The following RAPGEF2 variants were observed in gnomAD, a reference collection of about 807,000 sequenced individuals.
The protein encoded by RAPGEF2 is PDZ domain containing guanine nucleotide exchange factor (GEF) 1.
Under a neutral mutation model 186.7 loss-of-function variants are expected in RAPGEF2, and 54 were observed. That is an observed-to-expected ratio of 0.29 (90% CI 0.23 to 0.36). The LOEUF is 0.36. RAPGEF2 is among the 10% of genes least tolerant of loss of function. The pLI, the probability that RAPGEF2 is intolerant of heterozygous loss-of-function variation, is 1.00. For synonymous variants in RAPGEF2, 712 were observed against 705.9 expected (o/e 1.01, Z -0.14); for missense variants, 1,532 against 2,045.0 (o/e 0.75, Z 4.84).
intron 9 of RAPGEF2, among the ~76,000 whole-genome samples, chr4:159,321,141 C>G (rs1765185013): frequency 6.6e-6 from 1 of 151,714 alleles, no homozygotes; most frequent in Non-Finnish European, 1.5e-5. Context: ...GTGCTCTTTA[C>G]CACTCCCTTT....
Position 159,114,121 on chromosome 4 carries a change from T to G in RAPGEF2, c.69+9890T>G, listed in dbSNP as rs961608505. On this transcript the variant is annotated intron_variant, in intron 1 of 29. Coordinates refer to ENST00000691494, the MANE Select transcript of RAPGEF2 (RefSeq NM_001394067.2). ...GCATGCACCATCATACCTGGCTAATTTTTTTTTTTTTTTTTTCTTTGAGAT... is the reference window on the plus strand; with the variant it reads ...GCATGCACCATCATACCTGGCTAATGTTTTTTTTTTTTTTTTCTTTGAGAT... 1.9e-4 allele frequency among the ~76,000 whole-genome samples: 27 copies of G among 139,830 alleles called. No homozygotes were observed. In the South Asian group the frequency reaches 2.0e-3, roughly 10 times the overall value. 91.7% of individuals were successfully genotyped at this position (139,830 alleles called of 152,430 possible).
intron 1 of RAPGEF2, among the ~76,000 whole-genome samples, chr4:159,159,107 C>T (rs1034245060): frequency 6.6e-6 from 1 of 152,204 alleles, no homozygotes; most frequent in Non-Finnish European, 1.5e-5. Flanking sequence ...GTTAGGATTT[C>T]GACTGGGTCT....
chr4:159,343,565 A>G (rs79864624), intron 22 of RAPGEF2, among the ~76,000 whole-genome samples, 161 bp downstream of exon 22: 5,765 of 152,300 alleles, frequency 0.038, 359 homozygotes, highest in African/African-American at 0.13. Context: ...AATTTGGAAT[A>G]AATGTCTTAT....
At chr4:159,261,516 C>T (rs145030684) in intron 7 of RAPGEF2, among the ~76,000 whole-genome samples, 196 of 152,304 alleles carry the variant, frequency 1.3e-3, no homozygotes, top group African/African-American at 4.5e-3. Context: ...CTTAAAGCAA[C>T]ACAAGTGAAT....
chr4:159,139,242 A>C (rs919574331), intron 1 of RAPGEF2, among the ~76,000 whole-genome samples: 7 of 152,224 alleles, frequency 4.6e-5, no homozygotes, highest in African/African-American at 1.7e-4. Context: ...TGAAGAATTC[A>C]TACAATAGCA....
At chr4:159,154,411 T>G (rs1743891521) in intron 1 of RAPGEF2, among the ~76,000 whole-genome samples, 3 of 152,130 alleles carry the variant, frequency 2.0e-5, no homozygotes, top group Non-Finnish European at 4.4e-5. Flanking sequence ...TCATAAAGTC[T>G]TTGTGTACTA....
intron 7 of RAPGEF2, among the ~76,000 whole-genome samples, chr4:159,301,099 G>A (rs985523299): frequency 1.3e-5 from 2 of 152,208 alleles, no homozygotes; most frequent in African/African-American, 4.8e-5. Flanking sequence ...AATGCCAGAT[G>A]TGGTGGCTCA....
intron 1 of RAPGEF2, among the ~76,000 whole-genome samples, chr4:159,104,504 GA>G (rs1737580363): frequency 8.0e-6 from 1 of 125,648 alleles, no homozygotes; most frequent in Admixed American, 8.0e-5. Flanking sequence ...GAGAGAGAGA[GA>G]GAGAGAGAGA....
rs1268879990 is a variant in RAPGEF2 at position 159,339,227 on chromosome 4, G to A, written c.2407G>A (p.Ala803Thr). 18 of 1,614,106 alleles carry A rather than the reference G, an allele frequency of 1.1e-5. No individual in the cohort carries two copies. Among genetic ancestry groups the A allele is most frequent in the Non-Finnish European group, 1.4e-5 (17 of 1,180,000 alleles). Reference sequence around the variant, plus strand: ...GGTCATTCAGGCTATCAGGGAGTTTGCTGTTACTGCCACCCCGGATCAATA... The same window carrying A: ...GGTCATTCAGGCTATCAGGGAGTTTACTGTTACTGCCACCCCGGATCAATA... ...EVVIQAIREF[A>T]VTATPDQYSL... Residue 803 changes from alanine (A) to threonine (T), a missense_variant, in exon 19 of 30, where the codon GCT (alanine) becomes ACT (threonine). Physicochemically the swap from Ala to Thr is moderately conservative, Grantham distance 58 (BLOSUM62 0). This residue lies in a region of RAPGEF2 where 810 missense variants were observed against 1,210.5 expected (regional missense o/e 0.67). Coordinates refer to ENST00000691494, the MANE Select transcript of RAPGEF2 (RefSeq NM_001394067.2).
chr4:159,197,200 C>A (rs1475617151), intron 3 of RAPGEF2, among the ~76,000 whole-genome samples: 2 of 152,190 alleles, frequency 1.3e-5, no homozygotes, highest in Non-Finnish European at 2.9e-5. Context: ...AAAGTTGCAG[C>A]ATACTGCCAA....
chr4:159,130,735 G>A (rs1414484122), intron 1 of RAPGEF2, among the ~76,000 whole-genome samples: 1 of 152,092 alleles, frequency 6.6e-6, no homozygotes, highest in Non-Finnish European at 1.5e-5. Flanking sequence ...TTTTGGGACA[G>A]GATGTTGCTC....
chr4:159,115,946 T>C (rs1314767649), intron 1 of RAPGEF2, among the ~76,000 whole-genome samples: 1 of 152,106 alleles, frequency 6.6e-6, no homozygotes, highest in Non-Finnish European at 1.5e-5. Context: ...TCAAGATGGA[T>C]TAAAGACTTA....
At chr4:159,320,622 T>C (rs187448509) in intron 9 of RAPGEF2, among the ~76,000 whole-genome samples, 18 of 152,174 alleles carry the variant, frequency 1.2e-4, no homozygotes, top group East Asian at 1.9e-4. Flanking sequence ...AAAAGTCTTA[T>C]ATAGGAGGGA....
At chr4:159,107,871 C>A (rs1738048647) in intron 1 of RAPGEF2, among the ~76,000 whole-genome samples, 3 of 152,134 alleles carry the variant, frequency 2.0e-5, no homozygotes, top group African/African-American at 7.2e-5. Context: ...ATTTGAGTTT[C>A]TTTTTACCAT....
At chr4:159,227,927 G>A (rs1379148765) in intron 4 of RAPGEF2, among the ~76,000 whole-genome samples, 2 of 152,234 alleles carry the variant, frequency 1.3e-5, no homozygotes, top group South Asian at 2.1e-4. Flanking sequence ...TACAGCTTGG[G>A]TAAATTTTAA....
At position 159,131,519 on chromosome 4, in the gene RAPGEF2, A is replaced by ATTGTTTTTTTTTTTTTTT; in HGVS notation, c.69+27290_69+27291insGTTTTTTTTTTTTTTTTT. Among the ~76,000 whole-genome samples, 16 of 37,186 alleles carry ATTGTTTTTTTTTTTTTTT rather than the reference A, an allele frequency of 4.3e-4. 3 individuals are homozygous for ATTGTTTTTTTTTTTTTTT. The highest frequency in any genetic ancestry group is 5.4e-4 in the Non-Finnish European group (11 of 20,186). The allele number at this position is 37,186 out of a possible 152,430, so 24.4% of individuals were successfully genotyped here. A position where few individuals can be genotyped will look rare whatever the true frequency, so the allele number is the denominator to read the frequency against. On this transcript the variant is annotated intron_variant, in intron 1 of 29. Transcript: ENST00000691494. ...TGATATCTTTGTCTGATTAATTGCT[A>ATTGTTTTTTTTTTTTTTT]TTTTTTTTTTTTTTTTTTTTTTTTT...
At chr4:159,126,593 G>C (rs936549403) in intron 1 of RAPGEF2, among the ~76,000 whole-genome samples, 5 of 150,790 alleles carry the variant, frequency 3.3e-5, no homozygotes, top group African/African-American at 1.2e-4. Flanking sequence ...GACTTTCTCA[G>C]AATTTTCTTT....
At chr4:159,208,268 C>G (rs989640106) in intron 3 of RAPGEF2, among the ~76,000 whole-genome samples, 1 of 152,178 alleles carries the variant, frequency 6.6e-6, no homozygotes, top group East Asian at 1.9e-4. Flanking sequence ...TTAGTGTCTT[C>G]TAAAAAACTT....
At chr4:159,341,080 G>A (rs1729403438) in intron 19 of RAPGEF2, among the ~76,000 whole-genome samples, 1 of 152,066 alleles carries the variant, frequency 6.6e-6, no homozygotes, top group Non-Finnish European at 1.5e-5. Flanking sequence ...GGTTTCTTAG[G>A]TATTTGAATA....
Sources: allele counts gnomAD v4.1 joint callset (sites outside exome capture counted in the v4.1 genomes callset), GRCh38; gene constraint gnomAD v4.1.1; regional missense constraint gnomAD v4.1.1; transcripts MANE v1.5; gene names NCBI Gene and HGNC (gene_info 2026-07-23, HGNC 2026-07-21).